Variants in LPCAT1 observed in about 807,000 individuals in gnomAD.
LPCAT1 encodes lysophosphatidylcholine acyltransferase 1.
A neutral mutation model predicts 60.9 loss-of-function variants in LPCAT1; 23 were observed. The observed-to-expected ratio is 0.38, with a 90% CI of 0.27 to 0.53. The LOEUF (loss-of-function observed/expected upper bound fraction) is 0.53, where lower values mean the gene tolerates loss of function less well. Ranked by LOEUF, LPCAT1 falls within the 20% of genes least tolerant of loss-of-function variation. The probability of loss-of-function intolerance (pLI) is 0.82; values close to 1 mark genes in which losing one functional copy is unlikely to be tolerated. For missense variants in LPCAT1, 622 were observed against 723.6 expected, an observed-to-expected ratio of 0.86 and a Z score of 1.61; for synonymous variants, 340 against 301.1, an observed-to-expected ratio of 1.13 and a Z score of -1.34.
At position 1,523,066 on chromosome 5, in the gene LPCAT1, C is replaced by A. The variant is rs968858095; in HGVS notation, c.135+644G>T. On this transcript the variant is annotated intron_variant, in intron 1 of 13. Transcript: ENST00000283415. This position sits in a 1 kb window ranked among gnomAD's most constrained non-coding sequence, Gnocchi z 7.1. ...GAGAAAGCATCCCTTACAACAGGAG[C>A]GAAGCATGCACCCCAGAAGGCAACG... Among the ~76,000 whole-genome samples the A allele has an allele frequency of 1.3e-4, 20 of 152,228 alleles. No homozygotes were observed. The highest frequency in any genetic ancestry group is 4.3e-4 in the African/African-American group (18 of 41,462).
intron 12 of LPCAT1, among the ~76,000 whole-genome samples, chr5:1,468,546 C>A (rs1048522742): frequency 2.0e-5 from 3 of 152,148 alleles, no homozygotes; most frequent in Non-Finnish European, 4.4e-5. Flanking sequence ...CTCGGAGCCT[C>A]GTGTAGATGC....
At chr5:1,494,667 G>C in intron 3 of LPCAT1, 33 bp downstream of exon 3, 1 of 1,587,402 alleles carries the variant, frequency 6.3e-7, no homozygotes, top group Non-Finnish European at 8.7e-7. Context: ...GCAGGGCAGG[G>C]TCCCTCACTC....
chr5:1,482,249 T>A (rs1039207537), intron 6 of LPCAT1, among the ~76,000 whole-genome samples: 15 of 151,138 alleles, frequency 9.9e-5, no homozygotes, highest in Admixed American at 7.9e-4. Context: ...TGGCACCAAA[T>A]GAATGCCCTG....
chr5:1,511,694 T>A (rs528244736), intron 1 of LPCAT1, among the ~76,000 whole-genome samples: 1 of 152,230 alleles, frequency 6.6e-6, no homozygotes, highest in African/African-American at 2.4e-5. Flanking sequence ...ACAGAGCTGC[T>A]TCCTGCAGAC....
rs959577358 is a variant in LPCAT1 at position 1,522,575 on chromosome 5, A to C, written c.135+1135T>G. ...CTTCCATACCCTGAGGACCAGCCGC[A>C]TCAAGGGGCTTTGAGCAAAAGCAGG... On this transcript the variant is annotated intron_variant, in intron 1 of 13. Coordinates refer to ENST00000283415, the MANE Select transcript of LPCAT1 (RefSeq NM_024830.5). This position sits in a 1 kb window ranked among gnomAD's most constrained non-coding sequence, Gnocchi z 6.8. Among the ~76,000 whole-genome samples the C allele has an allele frequency of 7.9e-5, 12 of 152,312 alleles. No homozygotes were observed. Among genetic ancestry groups the C allele is most frequent in the Middle Eastern group, 3.4e-3 (1 of 294 alleles).
intron 1 of LPCAT1, among the ~76,000 whole-genome samples, chr5:1,518,061 G>GAGAAGT: frequency 6.6e-6 from 1 of 152,238 alleles, no homozygotes; most frequent in South Asian, 2.1e-4. Flanking sequence ...CAGGGCTGAC[G>GAGAAGT]GACGCCTCAG....
At position 1,483,892 on chromosome 5, in the gene LPCAT1, G is replaced by T. The variant is rs182729796; in HGVS notation, c.668-406C>A. ...CACTTGCTATTATAACATTGCGCAC[G>T]AGCTGGAAGACATCCGTGGAGGGAC... On this transcript the variant is annotated intron_variant, in intron 5 of 13. Coordinates refer to ENST00000283415, the MANE Select transcript of LPCAT1 (RefSeq NM_024830.5). The surrounding 1 kb of genome is among the most constrained non-coding windows in gnomAD (Gnocchi z 9.2). Among the ~76,000 whole-genome samples, 1 of 150,378 alleles carries T rather than the reference G, an allele frequency of 6.6e-6. No homozygotes were observed. Among genetic ancestry groups the T allele is most frequent in the Non-Finnish European group, 1.5e-5 (1 of 67,698 alleles).
In LPCAT1 at chr5:1,496,397, T is replaced by C. The variant is rs1735791786; in HGVS notation, c.279-1483A>G. Among the ~76,000 whole-genome samples, 1 of 149,670 alleles carries C rather than the reference T, an allele frequency of 6.7e-6. No homozygotes were observed. Among genetic ancestry groups the C allele is most frequent in the African/African-American group, 2.5e-5 (1 of 40,308 alleles). Reference sequence around the variant, plus strand: ...ACTAAAAAATAAAGATGTACTCTTCTGTGCACATGTTATTTTCCACAAAAA... The same window carrying C: ...ACTAAAAAATAAAGATGTACTCTTCCGTGCACATGTTATTTTCCACAAAAA... On this transcript the variant is annotated intron_variant, in intron 2 of 13. Transcript: ENST00000283415. This position sits in a 1 kb window ranked among gnomAD's most constrained non-coding sequence, Gnocchi z 4.7.
chr5:1,514,699 T>C (rs993737944), intron 1 of LPCAT1, among the ~76,000 whole-genome samples: 4 of 152,220 alleles, frequency 2.6e-5, no homozygotes, highest in Admixed American at 2.0e-4. Flanking sequence ...CTGTGGACCA[T>C]GCAGGCGCTG....
chr5:1,465,269 T>G (rs1186132295), intron 13 of LPCAT1, among the ~76,000 whole-genome samples: 2 of 126,336 alleles, frequency 1.6e-5, no homozygotes. Context: ...CACATGCCCA[T>G]GCACACACAC....
chr5:1,475,672 G>A (rs1270052841), intron 9 of LPCAT1, among the ~76,000 whole-genome samples: 2 of 152,238 alleles, frequency 1.3e-5, no homozygotes, highest in Non-Finnish European at 2.9e-5. Flanking sequence ...CACTACGGGA[G>A]TGGGAAACCA....
intron 12 of LPCAT1, among the ~76,000 whole-genome samples, chr5:1,468,880 C>T (rs1343251281): frequency 6.6e-6 from 1 of 152,240 alleles, no homozygotes; most frequent in African/African-American, 2.4e-5. Flanking sequence ...GCCACGCTCT[C>T]TCACACGAGA....
chr5:1,464,625 C>T (rs1579745359), intron 13 of LPCAT1, among the ~76,000 whole-genome samples: 1 of 151,698 alleles, frequency 6.6e-6, no homozygotes, highest in African/African-American at 2.4e-5. Flanking sequence ...AGCACACACA[C>T]GGTAACCACA....
rs897136108 is a variant in LPCAT1 at position 1,461,565 on chromosome 5, CCCAGGCCA to C, written c.*2078_*2085del. 1 of 152,704 alleles carries C rather than the reference CCCAGGCCA, an allele frequency of 6.5e-6. No homozygotes were observed. Among genetic ancestry groups the C allele is most frequent in the Non-Finnish European group, 1.5e-5 (1 of 68,074 alleles). The allele number at this position is 152,704 out of a possible 1,614,324, so 9.5% of individuals were successfully genotyped here. ...GCCCCACCTGCCCACGGGTCTGGCC[CCCAGGCCA>C]CCAGGGGCCCGCTGCGTCCTGTCTC... On this transcript the variant is annotated 3_prime_UTR_variant, in exon 14 of 14. Coordinates refer to ENST00000283415, the MANE Select transcript of LPCAT1 (RefSeq NM_024830.5).
chr5:1,507,185 G>C (rs1445253272), intron 1 of LPCAT1, among the ~76,000 whole-genome samples: 5 of 152,128 alleles, frequency 3.3e-5, no homozygotes, highest in African/African-American at 1.2e-4. Flanking sequence ...CAGCCAACTG[G>C]GGAGGACACT....
intron 8 of LPCAT1, among the ~76,000 whole-genome samples, chr5:1,479,025 CAAAT>C (rs1735028198): frequency 6.6e-6 from 1 of 152,216 alleles, no homozygotes; most frequent in Admixed American, 6.5e-5. Flanking sequence ...AAGAGCCAAA[CAAAT>C]AATTATTTGC....
At chr5:1,511,606 G>C (rs1007345607) in intron 1 of LPCAT1, among the ~76,000 whole-genome samples, 44 of 152,092 alleles carry the variant, frequency 2.9e-4, no homozygotes, top group African/African-American at 9.4e-4. Context: ...TGCTCACCTT[G>C]CTCACCTTAC....
chr5:1,489,755 C>T lies in LPCAT1; in HGVS notation c.597G>A (p.Lys199=). The part of the protein sequence containing the change: ...EIKRRAQSNG[K]WPQIMIFPEG... ...GGGCTACGTGCATTACCTGTGGCCA[C>T]TTTCCGTTGGACTGCGCCCGTCTCT... Residue 199 remains lysine, a synonymous_variant, in exon 4 of 14, where the codon AAG becomes AAA. Transcript: ENST00000283415. The T allele has an allele frequency of 6.2e-7, 1 of 1,612,310 alleles. No individual in the cohort carries two copies. The highest frequency in any genetic ancestry group is 8.5e-7 in the Non-Finnish European group (1 of 1,178,228).
chr5:1,517,978 A>G (rs372699472), intron 1 of LPCAT1, among the ~76,000 whole-genome samples: 47 of 152,376 alleles, frequency 3.1e-4, no homozygotes, highest in African/African-American at 1.0e-3. Context: ...TTACTAAAGA[A>G]AGTGGACATC....
Sources: gnomAD v4.1 joint callset for allele counts (sites outside exome capture counted in the v4.1 genomes callset) on GRCh38, gnomAD v4.1.1 for gene constraint, Gnocchi (gnomAD v3.1) non-coding constraint, MANE v1.5 for transcripts, NCBI Gene and HGNC (gene_info 2026-07-23, HGNC 2026-07-21) for gene names.